Variants in IQGAP1 observed in about 807,000 individuals in gnomAD.
IQGAP1 encodes the protein ras GTPase-activating-like protein IQGAP1.
In IQGAP1, 66 loss-of-function variants were observed where a neutral mutation model predicts 215.6. The observed-to-expected ratio is 0.31, with a 90% CI of 0.25 to 0.38. IQGAP1 has a LOEUF of 0.38. IQGAP1 is among the 10% of genes least tolerant of loss of function. IQGAP1 has a pLI of 1.00. For synonymous variants in IQGAP1, 772 were observed against 728.7 expected (o/e 1.06, Z -0.96); for missense variants, 1,712 against 1,997.1 (o/e 0.86, Z 2.72).
intron 5 of IQGAP1, among the ~76,000 whole-genome samples, chr15:90,434,275 A>G (rs1169702626): frequency 6.6e-6 from 1 of 152,064 alleles, no homozygotes; most frequent in African/African-American, 2.4e-5. Context: ...TGTCTCTACT[A>G]AAAATACAAA....
chr15:90,446,459 C>G (rs1444736762), intron 9 of IQGAP1, among the ~76,000 whole-genome samples: 3 of 152,110 alleles, frequency 2.0e-5, no homozygotes, highest in Admixed American at 6.6e-5. Context: ...GTGGTGCAGT[C>G]ATAGAATAAA....
rs760969224 is a variant in IQGAP1 at position 90,487,502 on chromosome 15, C to T, written c.4168C>T (p.Arg1390Cys). 5.6e-6 allele frequency: 9 copies of T among 1,613,182 alleles called. No individual in the cohort carries two copies. Among genetic ancestry groups the T allele is most frequent in the East Asian group, 2.2e-5 (1 of 44,874 alleles). Residue 1390 changes from arginine (R) to cysteine (C), a missense_variant, in exon 33 of 38, where the codon CGT becomes TGT. By Grantham distance (180) the Arg-to-Cys change is radical. This residue lies in a region of IQGAP1 where 691 missense variants were observed against 923.0 expected (regional missense o/e 0.75). Transcript: ENST00000268182. ...TCCCCCATCTCGTTTCAGTACAAAA[C>T]GTTTAATTGTGGATGTCATCCGGTT... ...DARTILLNTK[R>C]LIVDVIRFQP...
intron 2 of IQGAP1, among the ~76,000 whole-genome samples, chr15:90,416,740 G>C (rs1965056335): frequency 6.6e-6 from 1 of 152,060 alleles, no homozygotes; most frequent in Admixed American, 6.6e-5. Context: ...ACCACGCCCA[G>C]CTAATTTTTT....
rs1487281523 is a variant in IQGAP1 at position 90,394,822 on chromosome 15, C to T, written c.155+3949C>T. Reference sequence around the variant, plus strand: ...CCTCTACTTCTACTAAAAGCTCCACCTTTTAGTACAGTGGCCCCATTGTGT... The same window carrying T: ...CCTCTACTTCTACTAAAAGCTCCACTTTTTAGTACAGTGGCCCCATTGTGT... On this transcript the variant is annotated intron_variant, in intron 2 of 37. Transcript: ENST00000268182. 2.6e-5 allele frequency among the ~76,000 whole-genome samples: 4 copies of T among 152,166 alleles called. No homozygotes were observed. The East Asian group carries it at 7.7e-4, about 29-fold the overall frequency.
At chr15:90,442,668 A>G (rs972048427) in intron 8 of IQGAP1, among the ~76,000 whole-genome samples, 30 of 152,012 alleles carry the variant, frequency 2.0e-4, no homozygotes, top group African/African-American at 7.2e-4. Flanking sequence ...GTGGATCTGT[A>G]TGTGCCCATT....
In IQGAP1 at chr15:90,388,265, G is replaced by A. The variant is rs535666736; in HGVS notation, c.-77G>A. The A allele has an allele frequency of 8.7e-5, 132 of 1,523,752 alleles. 1 individual carries two copies. In the African/African-American group the frequency reaches 1.6e-3, roughly 18 times the overall value. 94.4% of individuals were successfully genotyped at this position (1,523,752 alleles called of 1,614,324 possible). A position where few individuals can be genotyped will look rare whatever the true frequency, so the allele number is the denominator to read the frequency against. On this transcript the variant is annotated 5_prime_UTR_variant, in exon 1 of 38. Transcript: ENST00000268182. ...GGGACCCCGGCAAGCCCGCGCACTT[G>A]GCAGGAGCTGTAGCTACCGCCGTCC...
intron 2 of IQGAP1, among the ~76,000 whole-genome samples, chr15:90,402,179 T>C (rs75538218): frequency 0.01 from 1,598 of 152,346 alleles, 23 homozygotes; most frequent in African/African-American, 0.037. Context: ...AGTTGTCTTA[T>C]GTATTTTTGT....
chr15:90,415,613 C>G (rs1311817430), intron 2 of IQGAP1, among the ~76,000 whole-genome samples: 1 of 152,146 alleles, frequency 6.6e-6, no homozygotes, highest in East Asian at 1.9e-4. Flanking sequence ...CTCCATGCCC[C>G]CTGCCTTTTC....
chr15:90,480,339 C>G (rs937863180), intron 26 of IQGAP1, among the ~76,000 whole-genome samples: 1 of 151,882 alleles, frequency 6.6e-6, no homozygotes, highest in Admixed American at 6.6e-5. Flanking sequence ...GGTCCCTTAG[C>G]TTTCTTCTTT....
At chr15:90,451,744 G>T (rs929455637) in intron 11 of IQGAP1, among the ~76,000 whole-genome samples, 1 of 151,418 alleles carries the variant, frequency 6.6e-6, no homozygotes, top group Non-Finnish European at 1.5e-5. Flanking sequence ...TGTGTTCTTG[G>T]TGTCTTTGTC....
intron 37 of IQGAP1, among the ~76,000 whole-genome samples, chr15:90,498,099 A>G (rs917017059): frequency 8.6e-6 from 1 of 116,062 alleles, no homozygotes; most frequent in African/African-American, 3.4e-5. Context: ...GAGTACTTCC[A>G]TGGGTGTGCC....
rs200478689 is a variant in IQGAP1 at position 90,474,725 on chromosome 15, C to T, written c.2784+32C>T. The T allele has an allele frequency of 1.8e-4, 271 of 1,505,560 alleles. 1 individual carries two copies. The African/African-American group carries it at 2.2e-3, about 12-fold the overall frequency. 93.3% of individuals were successfully genotyped at this position (1,505,560 alleles called of 1,614,324 possible). On this transcript the variant is annotated intron_variant, in intron 23 of 37. Coordinates refer to ENST00000268182, the MANE Select transcript of IQGAP1 (RefSeq NM_003870.4). ...CCCAGTGCCAGCGGGGGCCTTGGAA[C>T]GGTTCATCCTGCTTTGTAACCCCTG...
chr15:90,455,960 A>G (rs1965673740), intron 14 of IQGAP1, among the ~76,000 whole-genome samples, 192 bp from the exon 15 acceptor site: 1 of 152,222 alleles, frequency 6.6e-6, no homozygotes, highest in African/African-American at 2.4e-5. Flanking sequence ...TAGGAATATG[A>G]ATACAAGTGA....
chr15:90,412,512 T>C (rs556260404), intron 2 of IQGAP1, among the ~76,000 whole-genome samples: 4 of 152,318 alleles, frequency 2.6e-5, no homozygotes, highest in Non-Finnish European at 5.9e-5. Context: ...TATCAGCACA[T>C]ACCACAAGTC....
At chr15:90,398,739 A>T (rs1379831444) in intron 2 of IQGAP1, among the ~76,000 whole-genome samples, 1 of 152,156 alleles carries the variant, frequency 6.6e-6, no homozygotes, top group Admixed American at 6.5e-5. Context: ...GCGGTGGCTC[A>T]CACCTGTAAT....
chr15:90,483,330 A>G lies in IQGAP1; in HGVS notation c.3556-31A>G, dbSNP rs1417035516. The G allele has an allele frequency of 2.0e-6, 3 of 1,507,962 alleles. No individual in the cohort carries two copies. The African/African-American group carries it at 4.1e-5, about 21-fold the overall frequency. 93.4% of individuals were successfully genotyped at this position (1,507,962 alleles called of 1,614,324 possible). A position where few individuals can be genotyped will look rare whatever the true frequency, so the allele number is the denominator to read the frequency against. ...TAGCTTCCTTGGTGGTATGTCTTTT[A>G]ATACCCATCTTTCTGTTTCGTCTGT... On this transcript the variant is annotated intron_variant, in intron 28 of 37. Transcript: ENST00000268182.
At chr15:90,406,366 C>T (rs916453097) in intron 2 of IQGAP1, among the ~76,000 whole-genome samples, 2 of 152,176 alleles carry the variant, frequency 1.3e-5, no homozygotes, top group African/African-American at 4.8e-5. Flanking sequence ...GGGGTTTCAC[C>T]GTGTTAACCA....
chr15:90,485,263 C>G (rs917098965), intron 30 of IQGAP1, among the ~76,000 whole-genome samples: 5 of 152,164 alleles, frequency 3.3e-5, no homozygotes, highest in Non-Finnish European at 7.3e-5. Context: ...TTGAGTGCCC[C>G]TACAATAATT....
At chr15:90,417,966 G>T (rs1042088566) in intron 2 of IQGAP1, among the ~76,000 whole-genome samples, 1 of 152,038 alleles carries the variant, frequency 6.6e-6, no homozygotes, top group Admixed American at 6.6e-5. Flanking sequence ...TTTTTATGCT[G>T]TTCCTTTATG....
Sources: gnomAD v4.1 joint callset for allele counts (sites outside exome capture counted in the v4.1 genomes callset) on GRCh38, gnomAD v4.1.1 for gene constraint, gnomAD v4.1.1 regional missense constraint, MANE v1.5 for transcripts, NCBI Gene and HGNC (gene_info 2026-07-23, HGNC 2026-07-21) for gene names.